Variants in COLGALT2 observed in about 807,000 individuals in gnomAD.
COLGALT2 encodes procollagen galactosyltransferase 2.
In COLGALT2, 49 loss-of-function variants were observed where a neutral mutation model predicts 73.4. The ratio of observed to expected loss-of-function variants is 0.67; its 90% CI spans 0.53 to 0.85. The LOEUF is 0.85. Ranked by LOEUF, COLGALT2 falls within the 40% of genes least tolerant of loss-of-function variation. The probability of loss-of-function intolerance (pLI) is 0.00; values close to 1 mark genes in which losing one functional copy is unlikely to be tolerated. For missense variants in COLGALT2, 722 were observed against 790.2 expected, an observed-to-expected ratio of 0.91 and a Z score of 1.03; for synonymous variants, 295 against 307.6, an observed-to-expected ratio of 0.96 and a Z score of 0.43.
chr1:184,003,919 C>T (rs891121834), intron 1 of COLGALT2, among the ~76,000 whole-genome samples: 11 of 152,138 alleles, frequency 7.2e-5, no homozygotes, highest in South Asian at 2.1e-4. Flanking sequence ...CCAAAGAAGA[C>T]GAAGAGGATA....
intron 11 of COLGALT2, among the ~76,000 whole-genome samples, chr1:183,939,866 T>C (rs2102786709): frequency 6.6e-6 from 1 of 152,238 alleles, no homozygotes; most frequent in East Asian, 1.9e-4. Flanking sequence ...GCTGCTGTTA[T>C]GTGTAGCATT....
chr1:183,941,292 C>T (rs557529794), intron 10 of COLGALT2, among the ~76,000 whole-genome samples: 1 of 152,176 alleles, frequency 6.6e-6, no homozygotes, highest in African/African-American at 2.4e-5. Flanking sequence ...GTTCTGGGAA[C>T]CCAAGAGTGG....
chr1:183,945,321 A>G (rs1262050216), intron 9 of COLGALT2, 111 bp downstream of exon 9: 3 of 1,301,440 alleles, frequency 2.3e-6, no homozygotes, highest in East Asian at 4.6e-5. Flanking sequence ...TCTCATGCAC[A>G]TTTCCAGAAC....
chr1:183,968,107 C>T (rs1332471196), intron 5 of COLGALT2, among the ~76,000 whole-genome samples: 2 of 152,202 alleles, frequency 1.3e-5, no homozygotes, highest in Non-Finnish European at 2.9e-5. Context: ...TCCTCAGCTG[C>T]CGGAGGATCT....
intron 6 of COLGALT2, among the ~76,000 whole-genome samples, chr1:183,961,385 CAA>C (rs34190399): frequency 0.21 from 31,391 of 152,006 alleles, 3,484 homozygotes; most frequent in Admixed American, 0.22. Context: ...TGGGAGAAAA[CAA>C]GAGAACATAA....
Position 183,938,033 on chromosome 1 carries a change from A to C in COLGALT2, c.*728T>G. The C allele has an allele frequency of 1.0e-6, 1 of 985,456 alleles. No individual in the cohort carries two copies. Among genetic ancestry groups the C allele is most frequent in the Non-Finnish European group, 1.2e-6 (1 of 829,956 alleles). 61.0% of individuals were successfully genotyped at this position (985,456 alleles called of 1,614,324 possible). ...GCCATAATAAAAAAGCCAAACATTG[A>C]GTTTTTTCCCTCAAATACCTACACA... is the stretch of plus-strand genomic sequence containing the variant. On this transcript the variant is annotated 3_prime_UTR_variant, in exon 12 of 12. Transcript: ENST00000361927.
downstream of COLGALT2, chr1:183,935,755 C>G (rs1237589884): frequency 1.4e-6 from 1 of 709,826 alleles, no homozygotes; most frequent in African/African-American, 1.9e-5. Flanking sequence ...CTCTGACATC[C>G]TTGGTCAAGG....
At chr1:184,034,099 C>T (rs1649595655) in intron 1 of COLGALT2, among the ~76,000 whole-genome samples, 1 of 152,082 alleles carries the variant, frequency 6.6e-6, no homozygotes, top group East Asian at 1.9e-4. Flanking sequence ...GTACCACCTC[C>T]CATCAGAGTG....
At chr1:184,016,902 T>G (rs902798156) in intron 1 of COLGALT2, among the ~76,000 whole-genome samples, 49 of 152,340 alleles carry the variant, frequency 3.2e-4, no homozygotes, top group African/African-American at 9.1e-4. Flanking sequence ...AATATCTATA[T>G]CTTTTTGTAT....
chr1:183,962,159 T>TTTC (rs1670725778), intron 6 of COLGALT2, among the ~76,000 whole-genome samples: 7 of 125,982 alleles, frequency 5.6e-5, no homozygotes, highest in African/African-American at 2.2e-4. Flanking sequence ...TCTTTCTTTT[T>TTTC]TTTTTTTTTT....
In COLGALT2 at chr1:183,937,629, G is replaced by T. The variant is rs915131530; in HGVS notation, c.*1132C>A. On this transcript the variant is annotated 3_prime_UTR_variant, in exon 12 of 12. Transcript: ENST00000361927. ...CCACAGGCCTCCCCACAAGAGCCTG[G>T]CTGGGAAATTCAGGAGAATCAGATT... 7.1e-6 allele frequency: 7 copies of T among 985,398 alleles called. No individual in the cohort carries two copies. In the African/African-American group the frequency reaches 1.2e-4, roughly 17 times the overall value. 61.0% of individuals were successfully genotyped at this position (985,398 alleles called of 1,614,324 possible).
intron 1 of COLGALT2, among the ~76,000 whole-genome samples, chr1:183,978,875 C>G (rs1029126907): frequency 6.6e-6 from 1 of 152,186 alleles, no homozygotes; most frequent in African/African-American, 2.4e-5. Context: ...TATGTTTTAA[C>G]TTTCAGTTAC....
At chr1:184,025,204 C>T (rs1368182832) in intron 1 of COLGALT2, among the ~76,000 whole-genome samples, 2 of 152,226 alleles carry the variant, frequency 1.3e-5, no homozygotes, top group Non-Finnish European at 2.9e-5. Flanking sequence ...AACCTTCAGT[C>T]ACCTGCTGGC....
At chr1:183,973,814 C>T in intron 3 of COLGALT2, 64 bp from the exon 4 acceptor site, 1 of 1,530,758 alleles carries the variant, frequency 6.5e-7, no homozygotes, top group Non-Finnish European at 9.0e-7. Flanking sequence ...TTGAGAATAA[C>T]CCAGCCCTTC....
At chr1:183,985,448 T>C (rs575495454) in intron 1 of COLGALT2, among the ~76,000 whole-genome samples, 232 of 152,202 alleles carry the variant, frequency 1.5e-3, no homozygotes, top group African/African-American at 4.4e-3. Flanking sequence ...AATTTTGTAT[T>C]TTTAGTAGAG....
chr1:183,977,053 G>T (rs1671215306), intron 2 of COLGALT2, among the ~76,000 whole-genome samples: 2 of 152,294 alleles, frequency 1.3e-5, no homozygotes, highest in South Asian at 2.1e-4. Context: ...TTTGAACTTT[G>T]TTCAGGTCCT....
At chr1:183,978,248 A>C (rs1209500485) in intron 2 of COLGALT2, among the ~76,000 whole-genome samples, 162 bp downstream of exon 2, 1 of 152,236 alleles carries the variant, frequency 6.6e-6, no homozygotes, top group Non-Finnish European at 1.5e-5. Context: ...AGTACTGTGA[A>C]GATCTCTAAA....
intron 1 of COLGALT2, among the ~76,000 whole-genome samples, chr1:184,008,343 A>G (rs1339477727): frequency 2.0e-5 from 3 of 152,238 alleles, no homozygotes; most frequent in African/African-American, 7.2e-5. Context: ...AATGCCATAA[A>G]TGATTTTAGA....
At chr1:183,934,549 A>G (rs1669909025), downstream of COLGALT2, among the ~76,000 whole-genome samples, 1 of 152,220 alleles carries the variant, frequency 6.6e-6, no homozygotes, top group Non-Finnish European at 1.5e-5. Flanking sequence ...CACCCCTTAC[A>G]TGCTATTTTC....
Sources: allele counts gnomAD v4.1 joint callset (sites outside exome capture counted in the v4.1 genomes callset), GRCh38; gene constraint gnomAD v4.1.1; transcripts MANE v1.5; gene names NCBI Gene and HGNC (gene_info 2026-07-23, HGNC 2026-07-21).